CDKL5: variants seen among roughly 807,000 people sequenced by gnomAD.
The protein encoded by CDKL5 is cyclin-dependent kinase-like 5.
In CDKL5, 8 loss-of-function variants were observed where a neutral mutation model predicts 61.7. The observed-to-expected ratio is 0.13, with a 90% CI of 0.08 to 0.23. The LOEUF is 0.23. Among genes scored for constraint, CDKL5 ranks in the 10% least tolerant of loss-of-function variants. The probability of loss-of-function intolerance (pLI) is 1.00; values close to 1 mark genes in which losing one functional copy is unlikely to be tolerated. For synonymous variants in CDKL5, 275 were observed against 272.3 expected (o/e 1.01, Z -0.10); for missense variants, 440 against 734.5 (o/e 0.60, Z 4.63).
At chrX:18,535,397 G>A (rs1017080895) in intron 3 of CDKL5, 1 of 112,602 alleles carries the variant, frequency 8.9e-6, no homozygotes, top group Non-Finnish European at 1.9e-5. Flanking sequence ...AGGCAATTGG[G>A]AGAACTCGAA....
Position 18,635,340 on chromosome X carries a change from A to G in CDKL5, c.*6583A>G, listed in dbSNP as rs1252344204. On this transcript the variant is annotated 3_prime_UTR_variant, in exon 18 of 18. Coordinates refer to ENST00000623535, the MANE Select transcript of CDKL5 (RefSeq NM_001323289.2). Reference sequence around the variant, plus strand: ...GGTTAATTTTTACTGAGCACAATGTATTTTTGAATGGATCTTCCCAAATGT... The same window carrying G: ...GGTTAATTTTTACTGAGCACAATGTGTTTTTGAATGGATCTTCCCAAATGT... The G allele has an allele frequency of 5.3e-6, 4 of 752,002 alleles. No individual in the cohort carries two copies. The highest frequency in any genetic ancestry group is 4.6e-5 in the African/African-American group (2 of 43,212). 62.0% of individuals were successfully genotyped at this position (752,002 alleles called of 1,213,427 possible).
At chrX:18,587,932 A>G in intron 8 of CDKL5, 22 bp from the exon 9 acceptor site, 1 of 1,196,813 alleles carries the variant, frequency 8.4e-7, no homozygotes, top group Non-Finnish European at 1.1e-6. Flanking sequence ...TTGCCAAAAT[A>G]ATCTCTTCCT....
chrX:18,443,554 CAG>C (rs1055847107), intron 1 of CDKL5, among the ~76,000 whole-genome samples: 1 of 109,718 alleles, frequency 9.1e-6, no homozygotes, highest in African/African-American at 3.3e-5. Flanking sequence ...TGTGTTTTGA[CAG>C]ATTTTTAAAT....
intron 1 of CDKL5, among the ~76,000 whole-genome samples, chrX:18,505,350 T>C (rs1922541342): frequency 8.9e-6 from 1 of 112,237 alleles, no homozygotes; most frequent in African/African-American, 3.2e-5. Flanking sequence ...ATATGAAAAT[T>C]AGAAAACTAC....
chrX:18,575,229 TAC>T (rs1229829116), intron 4 of CDKL5, 123 bp from the exon 5 acceptor site: 1 of 562,224 alleles, frequency 1.8e-6, no homozygotes, highest in East Asian at 3.6e-5. Context: ...TCCATTCTTG[TAC>T]TTCTTATGCA....
chrX:18,555,373 G>A (rs1209601401), intron 3 of CDKL5, among the ~76,000 whole-genome samples: 1 of 112,304 alleles, frequency 8.9e-6, no homozygotes, highest in Admixed American at 9.4e-5. Context: ...AATAGCATAT[G>A]CTAGTTACAT....
chrX:18,631,530 C>T lies in CDKL5; in HGVS notation c.*2773C>T. On this transcript the variant is annotated 3_prime_UTR_variant, in exon 18 of 18. Coordinates refer to ENST00000623535, the MANE Select transcript of CDKL5 (RefSeq NM_001323289.2). Reference sequence around the variant, plus strand: ...TTACTGACATCACAAAGATTGCCATCCATGGTAGAAAGGACTTGATTTAAA... The same window carrying T: ...TTACTGACATCACAAAGATTGCCATTCATGGTAGAAAGGACTTGATTTAAA... The T allele has an allele frequency of 1.3e-6, 1 of 754,111 alleles. No homozygotes were observed. The highest frequency in any genetic ancestry group is 6.7e-5 in the South Asian group (1 of 14,859). 62.1% of individuals were successfully genotyped at this position (754,111 alleles called of 1,213,427 possible). A position where few individuals can be genotyped will look rare whatever the true frequency, so the allele number is the denominator to read the frequency against.
chrX:18,647,940 A>C (rs763299774), intron 20 of CDKL5, among the ~76,000 whole-genome samples: 1 of 111,760 alleles, frequency 8.9e-6, no homozygotes, highest in Non-Finnish European at 1.9e-5. Flanking sequence ...TGAGTGAGAA[A>C]CAGCTAAAAG....
rs1927233229 is a variant in CDKL5, at chrX:18,631,419, C to T, written c.*2662C>T. On this transcript the variant is annotated 3_prime_UTR_variant, in exon 18 of 18. Transcript: ENST00000623535. ...TCCAGCATGCAATTCTCTTCCTGCT[C>T]ACGGAGGGGGATGCAAAAGTTTTCT... 4 of 752,626 alleles carry T rather than the reference C, an allele frequency of 5.3e-6. No individual in the cohort carries two copies. Among genetic ancestry groups the T allele is most frequent in the Non-Finnish European group, 3.1e-6 (2 of 638,934 alleles). The allele number at this position is 752,626 out of a possible 1,213,427, so 62.0% of individuals were successfully genotyped here. A position where few individuals can be genotyped will look rare whatever the true frequency, so the allele number is the denominator to read the frequency against.
intron 1 of CDKL5, among the ~76,000 whole-genome samples, chrX:18,462,886 T>G (rs765322455): frequency 2.6e-3 from 286 of 109,901 alleles, no homozygotes; most frequent in Non-Finnish European, 4.3e-3. Flanking sequence ...TAACCAGGCA[T>G]GGTGGTGTGC....
intron 4 of CDKL5, among the ~76,000 whole-genome samples, chrX:18,570,346 A>C (rs946382875): frequency 8.9e-6 from 1 of 111,887 alleles, no homozygotes; most frequent in Non-Finnish European, 1.9e-5. Flanking sequence ...TTTGGTGATC[A>C]TTTTGCATCT....
intron 1 of CDKL5, among the ~76,000 whole-genome samples, chrX:18,483,426 T>C (rs1481343146): frequency 9.2e-6 from 1 of 108,300 alleles, no homozygotes; most frequent in African/African-American, 3.3e-5. Flanking sequence ...TTCATCATCT[T>C]TTTTTTTTTG....
intron 1 of CDKL5, among the ~76,000 whole-genome samples, chrX:18,461,922 A>G (rs986677512): frequency 2.7e-5 from 3 of 111,357 alleles, no homozygotes; most frequent in African/African-American, 9.8e-5. Context: ...ATATCACAGC[A>G]TATCACATTT....
At chrX:18,564,429 G>A (rs370851895) in intron 3 of CDKL5, 48 bp from the exon 4 acceptor site, 6 of 972,672 alleles carry the variant, frequency 6.2e-6, no homozygotes, top group Admixed American at 4.5e-5. Flanking sequence ...ATCCCCAGTC[G>A]GAAAAACACT....
At position 18,436,897 on chromosome X, in the gene CDKL5, C is replaced by CAAA. The variant is rs60845430; in HGVS notation, c.-163+11225_-163+11227dup. On this transcript the variant is annotated intron_variant, in intron 1 of 17. Coordinates refer to ENST00000623535, the MANE Select transcript of CDKL5 (RefSeq NM_001323289.2). ...CTGGGTGACAGCGAGACTCTTGACT[C>CAAA]AAAAAAAAAAAAAAAAAAAAAAAAA... Among the ~76,000 whole-genome samples the CAAA allele has an allele frequency of 5.0e-3, 79 of 15,770 alleles. 5 individuals are homozygous for CAAA. The highest frequency in any genetic ancestry group is 0.014 in the African/African-American group (66 of 4,875). The allele number at this position is 15,770 out of a possible 115,157, so 13.7% of individuals were successfully genotyped here. A position where few individuals can be genotyped will look rare whatever the true frequency, so the allele number is the denominator to read the frequency against.
At chrX:18,540,020 G>T (rs1477331828) in intron 3 of CDKL5, among the ~76,000 whole-genome samples, 1 of 112,062 alleles carries the variant, frequency 8.9e-6, no homozygotes, top group African/African-American at 3.2e-5. Context: ...TATAATTTTT[G>T]TCTCAACCAT....
chrX:18,530,050 C>T (rs905273849), intron 3 of CDKL5, among the ~76,000 whole-genome samples: 9 of 110,662 alleles, frequency 8.1e-5, no homozygotes, highest in East Asian at 2.8e-4. Context: ...TTTATTTTGC[C>T]GGGCACGGTG....
At chrX:18,497,677 A>G (rs1369900163) in intron 1 of CDKL5, among the ~76,000 whole-genome samples, 1 of 111,779 alleles carries the variant, frequency 8.9e-6, no homozygotes, top group African/African-American at 3.3e-5. Context: ...AAACATAAGT[A>G]TATACTCTAA....
Position 18,624,707 on chromosome X carries a change from C to T in CDKL5, c.2377-421C>T, listed in dbSNP as rs755466568. Among the ~76,000 whole-genome samples, 6 of 112,055 alleles carry T rather than the reference C, an allele frequency of 5.4e-5. No individual in the cohort carries two copies. The East Asian group carries it at 1.7e-3, about 31-fold the overall frequency. ...CAGACTTCTTTGGCACTACCATATA[C>T]AGTGTTTGGATCATTTTCCCAGCAG... On this transcript the variant is annotated intron_variant, in intron 16 of 17. Transcript: ENST00000623535.
Sources: gnomAD v4.1 joint callset for allele counts (sites outside exome capture counted in the v4.1 genomes callset) on GRCh38, gnomAD v4.1.1 for gene constraint, MANE v1.5 for transcripts, NCBI Gene and HGNC (gene_info 2026-07-23, HGNC 2026-07-21) for gene names.